The following LRP1B variants were observed in gnomAD, a reference collection of about 807,000 sequenced individuals.
The protein encoded by LRP1B is low-density lipoprotein receptor-related protein 1B.
A neutral mutation model predicts 556.6 loss-of-function variants in LRP1B; 217 were observed. The observed-to-expected ratio is 0.39, with a 90% CI of 0.35 to 0.44. The LOEUF is 0.44. Among genes scored for constraint, LRP1B ranks in the 20% least tolerant of loss-of-function variants. The probability of loss-of-function intolerance (pLI) is 1.00; values close to 1 mark genes in which losing one functional copy is unlikely to be tolerated. For missense variants in LRP1B, 5,053 were observed against 5,620.8 expected (o/e 0.90, Z 3.23); for synonymous variants, 2,047 against 1,865.8 (o/e 1.10, Z -2.50).
chr2:140,898,462 C>T (rs774359465), intron 23 of LRP1B: 36 of 206,054 alleles, frequency 1.7e-4, no homozygotes, highest in South Asian at 3.1e-4. Flanking sequence ...GGAATGGGCA[C>T]ACTAAACTGG....
At chr2:141,591,107 C>T (rs906694535) in intron 2 of LRP1B, among the ~76,000 whole-genome samples, 4 of 152,168 alleles carry the variant, frequency 2.6e-5, no homozygotes, top group East Asian at 1.9e-4. Context: ...CAGGCCAAGG[C>T]GATTAGCGAA....
chr2:141,295,789 A>ACACACACACACACG (rs1300096216), intron 3 of LRP1B, among the ~76,000 whole-genome samples: 6 of 143,496 alleles, frequency 4.2e-5, no homozygotes, highest in African/African-American at 1.5e-4. Context: ...ACACACACAC[A>ACACACACACACACG]CATAACAGTG....
At chr2:140,666,278 T>G (rs1409720727) in intron 41 of LRP1B, among the ~76,000 whole-genome samples, 3 of 144,628 alleles carry the variant, frequency 2.1e-5, no homozygotes, top group African/African-American at 7.7e-5. Context: ...TAGGCAAAAT[T>G]TTTTAATATG....
intron 3 of LRP1B, 56 bp from the exon 4 acceptor site, chr2:141,254,697 G>C (rs1684394303): frequency 7.4e-7 from 1 of 1,355,368 alleles, no homozygotes; most frequent in Non-Finnish European, 1.0e-6. Flanking sequence ...TAAATAGTTT[G>C]TATTTCTCAG....
At chr2:141,213,808 A>G (rs59418638) in intron 6 of LRP1B, among the ~76,000 whole-genome samples, 10,234 of 152,046 alleles carry the variant, frequency 0.067, 440 homozygotes, top group East Asian at 0.15. Flanking sequence ...TACTTGCATT[A>G]TTTTTTACTG....
chr2:140,605,464 G>T (rs1034323361), intron 41 of LRP1B, among the ~76,000 whole-genome samples: 2 of 152,044 alleles, frequency 1.3e-5, no homozygotes, highest in Non-Finnish European at 2.9e-5. Context: ...TACTGAAATT[G>T]TGTCTAAATT....
rs1285863798 is a variant in LRP1B at position 140,614,059 on chromosome 2, G to C, written c.6800-12420C>G. Among the ~76,000 whole-genome samples the C allele has an allele frequency of 2.6e-5, 4 of 152,024 alleles. No individual in the cohort carries two copies. The East Asian group carries it at 5.8e-4, about 22-fold the overall frequency. ...CGATTATTGAAAGCTAGTAGACACAGCTGGCCTAATTGCCTTTACCCTGAC... is the reference window on the plus strand; with the variant it reads ...CGATTATTGAAAGCTAGTAGACACACCTGGCCTAATTGCCTTTACCCTGAC... On this transcript the variant is annotated intron_variant, in intron 41 of 90. Coordinates refer to ENST00000389484, the MANE Select transcript of LRP1B (RefSeq NM_018557.3).
At chr2:141,218,177 C>T (rs1378285372) in intron 6 of LRP1B, among the ~76,000 whole-genome samples, 1 of 152,162 alleles carries the variant, frequency 6.6e-6, no homozygotes, top group African/African-American at 2.4e-5. Flanking sequence ...GAAACACACA[C>T]TGCTGGTGGG....
At chr2:140,978,334 G>C (rs187376236) in intron 18 of LRP1B, among the ~76,000 whole-genome samples, 1 of 152,110 alleles carries the variant, frequency 6.6e-6, no homozygotes, top group Non-Finnish European at 1.5e-5. Flanking sequence ...GGCTTTGCAT[G>C]TTTTTAAATC....
rs1199893462 is a variant in LRP1B, at chr2:140,506,626, T to C, written c.8521+170A>G. Among the ~76,000 whole-genome samples the C allele has an allele frequency of 2.6e-5, 4 of 152,256 alleles. No individual in the cohort carries two copies. The East Asian group carries it at 7.7e-4, about 29-fold the overall frequency. The stretch of plus-strand genomic sequence containing the variant: ...GTATGATTTCCAAAGAAATGTATTA[T>C]ACTAGAGCTTAAATAAGTTATATGT... On this transcript the variant is annotated intron_variant, in intron 53 of 90. Transcript: ENST00000389484.
chr2:141,675,669 A>C (rs933889111), intron 2 of LRP1B, among the ~76,000 whole-genome samples: 1 of 91,272 alleles, frequency 1.1e-5, no homozygotes, highest in Non-Finnish European at 2.1e-5. Flanking sequence ...AATTATTTTA[A>C]ATTTATTTGG....
intron 59 of LRP1B, among the ~76,000 whole-genome samples, chr2:140,481,188 C>A (rs891956900): frequency 2.6e-5 from 4 of 152,120 alleles, no homozygotes; most frequent in Admixed American, 1.3e-4. Flanking sequence ...AATTTTAAAT[C>A]TTTTAAAAAG....
At chr2:140,615,159 G>T (rs1018936947) in intron 41 of LRP1B, among the ~76,000 whole-genome samples, 15 of 152,046 alleles carry the variant, frequency 9.9e-5, no homozygotes, top group Non-Finnish European at 1.5e-4. Flanking sequence ...GTTATTTGAG[G>T]TATTTTTCAA....
Position 141,151,933 on chromosome 2 carries a change from C to A in LRP1B, c.1013+36488G>T, listed in dbSNP as rs552858674. Among the ~76,000 whole-genome samples the A allele has an allele frequency of 4.9e-3, 739 of 152,018 alleles. 6 individuals are homozygous for A. Among genetic ancestry groups the A allele is most frequent in the African/African-American group, 0.017 (710 of 41,512 alleles). On this transcript the variant is annotated intron_variant, in intron 7 of 90. Transcript: ENST00000389484. ...TGGCAAGATGTCACTTTAATACTGACACAAATATAAGAAAAATAGTAATTT... is the reference window on the plus strand; with the variant it reads ...TGGCAAGATGTCACTTTAATACTGAAACAAATATAAGAAAAATAGTAATTT...
intron 2 of LRP1B, among the ~76,000 whole-genome samples, chr2:141,510,060 GA>G (rs796163377): frequency 1.3e-5 from 2 of 151,306 alleles, no homozygotes; most frequent in Non-Finnish European, 3.0e-5. Context: ...TGACAATTCA[GA>G]AAAAAAAGTA....
chr2:141,590,243 GA>G (rs1338378108), intron 2 of LRP1B, among the ~76,000 whole-genome samples: 2 of 152,096 alleles, frequency 1.3e-5, no homozygotes, highest in Non-Finnish European at 2.9e-5. Flanking sequence ...TTTTTAAAAA[GA>G]GACTTAGATA....
intron 11 of LRP1B, among the ~76,000 whole-genome samples, chr2:141,048,449 A>G (rs1418079521): frequency 6.6e-6 from 1 of 152,160 alleles, no homozygotes; most frequent in Non-Finnish European, 1.5e-5. Context: ...GTACCTATAA[A>G]TAAAAATAGA....
At chr2:141,658,124 G>T (rs1482742695) in intron 2 of LRP1B, among the ~76,000 whole-genome samples, 2 of 151,944 alleles carry the variant, frequency 1.3e-5, no homozygotes, top group East Asian at 3.9e-4. Context: ...ATTGTAATAG[G>T]TATCATTTAA....
At chr2:141,538,914 C>T in intron 2 of LRP1B, among the ~76,000 whole-genome samples, 1 of 152,308 alleles carries the variant, frequency 6.6e-6, no homozygotes, top group African/African-American at 2.4e-5. Context: ...GCTGGGATTA[C>T]AGGTGTGAGC....
Sources: gnomAD v4.1 joint callset for allele counts (sites outside exome capture counted in the v4.1 genomes callset) on GRCh38, gnomAD v4.1.1 for gene constraint, MANE v1.5 for transcripts, NCBI Gene and HGNC (gene_info 2026-07-23, HGNC 2026-07-21) for gene names.